RNF216: variants seen among roughly 807,000 people sequenced by gnomAD.
RNF216 encodes E3 ubiquitin-protein ligase RNF216.
In RNF216, 72 loss-of-function variants were observed where a neutral mutation model predicts 110.8. The ratio of observed to expected loss-of-function variants is 0.65; its 90% CI spans 0.54 to 0.79. The LOEUF (loss-of-function observed/expected upper bound fraction) is 0.79. Ranked by LOEUF, RNF216 falls within the 30% of genes least tolerant of loss-of-function variation. RNF216 has a pLI of 0.00. For missense variants in RNF216, 1,342 were observed against 1,141.2 expected, an observed-to-expected ratio of 1.18 and a Z score of -2.54; for synonymous variants, 495 against 407.5, an observed-to-expected ratio of 1.21 and a Z score of -2.59.
At chr7:5,653,393 T>C (rs1788517526) in intron 13 of RNF216, among the ~76,000 whole-genome samples, 1 of 151,474 alleles carries the variant, frequency 6.6e-6, no homozygotes, top group African/African-American at 2.4e-5. Flanking sequence ...GGTCAGGAGA[T>C]TGAAACCATC....
At chr7:5,668,614 G>A (rs1223362825) in intron 13 of RNF216, among the ~76,000 whole-genome samples, 2 of 152,178 alleles carry the variant, frequency 1.3e-5, no homozygotes, top group Non-Finnish European at 2.9e-5. Flanking sequence ...AACTGAGGAT[G>A]AGGGTCAAAG....
At chr7:5,641,590 A>G (rs143100355) in intron 14 of RNF216, among the ~76,000 whole-genome samples, 1,704 of 152,296 alleles carry the variant, frequency 0.011, 24 homozygotes, top group Non-Finnish European at 0.02. Context: ...CTGGAGACTC[A>G]GTTTCCTCAT....
intron 15 of RNF216, among the ~76,000 whole-genome samples, chr7:5,636,578 T>A (rs1201291376): frequency 1.3e-5 from 2 of 152,224 alleles, no homozygotes; most frequent in Non-Finnish European, 2.9e-5. Context: ...CAGTGCATGC[T>A]TTGTTTCACT....
chr7:5,748,052 T>G (rs1306165672), intron 3 of RNF216, among the ~76,000 whole-genome samples: 1 of 152,130 alleles, frequency 6.6e-6, no homozygotes, highest in African/African-American at 2.4e-5. Flanking sequence ...AAACTGTTGC[T>G]AAGCTCCATA....
chr7:5,624,035 G>A lies in RNF216; in HGVS notation c.2452+21C>T. 1.2e-6 allele frequency: 2 copies of A among 1,609,570 alleles called. No individual in the cohort carries two copies. Among genetic ancestry groups the A allele is most frequent in the Non-Finnish European group, 8.5e-7 (1 of 1,177,370 alleles). ...GGCCTGGCTGCTGCTCTGTCCTGGG[G>A]GCCTGGGGAGGGGCACTTGCCTCCA... is the stretch of plus-strand genomic sequence containing the variant. On this transcript the variant is annotated intron_variant, in intron 16 of 16. Coordinates refer to ENST00000389902, the MANE Select transcript of RNF216 (RefSeq NM_207111.4). This position sits in a 1 kb window ranked among gnomAD's most constrained non-coding sequence, Gnocchi z 4.4.
At chr7:5,686,196 C>G (rs1447178332) in intron 13 of RNF216, among the ~76,000 whole-genome samples, 1 of 147,444 alleles carries the variant, frequency 6.8e-6, no homozygotes, top group Non-Finnish European at 1.5e-5. Context: ...GCACTCCAGC[C>G]TGGGTTGACA....
intron 2 of RNF216, among the ~76,000 whole-genome samples, chr7:5,758,842 G>A (rs1795779850): frequency 1.3e-5 from 2 of 152,162 alleles, no homozygotes; most frequent in Non-Finnish European, 2.9e-5. Flanking sequence ...GCTAGAATGA[G>A]TTAAGACTTT....
At chr7:5,749,692 C>T (rs960410640) in intron 3 of RNF216, among the ~76,000 whole-genome samples, 98 of 152,162 alleles carry the variant, frequency 6.4e-4, no homozygotes, top group African/African-American at 2.4e-3. Flanking sequence ...TCCTAAAGTG[C>T]TGTGTGTTCA....
At chr7:5,716,836 T>C (rs1278222593) in intron 9 of RNF216, 70 bp from the exon 10 acceptor site, 4 of 1,235,250 alleles carry the variant, frequency 3.2e-6, no homozygotes, top group Admixed American at 1.9e-5. Flanking sequence ...TTAGTATTTA[T>C]TTCCATAAAC....
chr7:5,749,403 G>A (rs1008520096), intron 3 of RNF216, among the ~76,000 whole-genome samples: 4 of 152,038 alleles, frequency 2.6e-5, no homozygotes, highest in African/African-American at 9.7e-5. Flanking sequence ...CACTCGCCTC[G>A]GCCTCCCAAA....
rs533283846 is a variant in RNF216, at chr7:5,628,458, T to C, written c.2383-4333A>G. 2.4e-4 allele frequency among the ~76,000 whole-genome samples: 36 copies of C among 149,860 alleles called. No individual in the cohort carries two copies. In the South Asian group the frequency reaches 7.3e-3, roughly 30 times the overall value. ...TAATAACTTTAATACAACTTAAAAGTTTTTTTTCTTTTTTAAAATAAAAAA... is the reference window on the plus strand; with the variant it reads ...TAATAACTTTAATACAACTTAAAAGCTTTTTTTCTTTTTTAAAATAAAAAA... On this transcript the variant is annotated intron_variant, in intron 15 of 16. Coordinates refer to ENST00000389902, the MANE Select transcript of RNF216 (RefSeq NM_207111.4).
At chr7:5,704,224 G>A (rs984906544) in intron 13 of RNF216, among the ~76,000 whole-genome samples, 9 of 152,004 alleles carry the variant, frequency 5.9e-5, no homozygotes, top group Non-Finnish European at 1.3e-4. Flanking sequence ...ATATTAATAC[G>A]TTTATATTAA....
intron 2 of RNF216, 122 bp downstream of exon 2, chr7:5,760,881 G>A: frequency 2.6e-6 from 2 of 768,300 alleles, no homozygotes; most frequent in Non-Finnish European, 4.3e-6. Flanking sequence ...TAGTCTTTTT[G>A]TCAAAAACGA....
chr7:5,623,223 C>A (rs1786501324), intron 16 of RNF216, 44 bp from the exon 17 acceptor site: 1 of 1,508,984 alleles, frequency 6.6e-7, no homozygotes, highest in Admixed American at 2.1e-5. Context: ...ATTAAACCAA[C>A]CTCAATGGAA....
intron 14 of RNF216, among the ~76,000 whole-genome samples, chr7:5,642,663 G>C (rs1257574757): frequency 6.6e-6 from 1 of 151,586 alleles, no homozygotes; most frequent in East Asian, 1.9e-4. Flanking sequence ...ATTTTTAGTA[G>C]AGATGAGGTT....
chr7:5,666,974 C>T (rs544521471), intron 13 of RNF216, among the ~76,000 whole-genome samples: 1 of 152,210 alleles, frequency 6.6e-6, no homozygotes, highest in South Asian at 2.1e-4. Context: ...GCCACCATAC[C>T]TGGCTAATTT....
At chr7:5,658,118 G>C (rs1015090651) in intron 13 of RNF216, among the ~76,000 whole-genome samples, 5 of 152,176 alleles carry the variant, frequency 3.3e-5, no homozygotes, top group Admixed American at 3.3e-4. Context: ...GATTCTTTGC[G>C]GAGCTGACAT....
At chr7:5,677,107 C>T (rs1389568403) in intron 13 of RNF216, among the ~76,000 whole-genome samples, 6 of 152,324 alleles carry the variant, frequency 3.9e-5, no homozygotes, top group Middle Eastern at 3.4e-3. Context: ...GGCACTCTGA[C>T]GTATGGTTTA....
intron 3 of RNF216, 63 bp from the exon 4 acceptor site, chr7:5,741,878 T>TTA: frequency 4.0e-6 from 6 of 1,509,282 alleles, no homozygotes; most frequent in Non-Finnish European, 4.4e-6. Flanking sequence ...CCTTATGTAC[T>TTA]TATATTGAGC....
Sources: allele counts gnomAD v4.1 joint callset (sites outside exome capture counted in the v4.1 genomes callset), GRCh38; gene constraint gnomAD v4.1.1; non-coding constraint Gnocchi (gnomAD v3.1); transcripts MANE v1.5; gene names NCBI Gene and HGNC (gene_info 2026-07-23, HGNC 2026-07-21).